Variants in TDRP observed in about 807,000 individuals in gnomAD.
The protein encoded by TDRP is testis development-related protein.
TDRP carries 12 observed loss-of-function variants against 10.5 expected under a neutral mutation model. The ratio of observed to expected loss-of-function variants is 1.15; its 90% CI spans 0.73 to 1.86. The LOEUF (loss-of-function observed/expected upper bound fraction) is 1.86. Among genes scored for constraint, TDRP ranks in the 40% most tolerant of loss-of-function variants. The pLI is 0.00. For missense variants in TDRP, 353 were observed against 229.2 expected (o/e 1.54, Z -3.49); for synonymous variants, 139 against 95.4 (o/e 1.46, Z -2.67).
intron 1 of TDRP, among the ~76,000 whole-genome samples, chr8:529,218 T>C (rs895789799): frequency 6.6e-6 from 1 of 152,180 alleles, no homozygotes; most frequent in African/African-American, 2.4e-5. Flanking sequence ...CTTTGCATCC[T>C]TCAATCCAAT....
In TDRP at chr8:530,707, C is replaced by T. The variant is rs558815457; in HGVS notation, c.108+13943G>A. Reference sequence around the variant, plus strand: ...GCAGGGCAACAGGCTGTGGAGCTCTCGCTTGTTCTCAGCAGCCCCCAGACA... The same window carrying T: ...GCAGGGCAACAGGCTGTGGAGCTCTTGCTTGTTCTCAGCAGCCCCCAGACA... On this transcript the variant is annotated intron_variant, in intron 1 of 2. Coordinates refer to ENST00000324079, the MANE Select transcript of TDRP (RefSeq NM_001384899.1). 1.2e-4 allele frequency among the ~76,000 whole-genome samples: 19 copies of T among 152,284 alleles called. No homozygotes were observed. In the South Asian group the frequency reaches 2.9e-3, roughly 23 times the overall value.
chr8:502,457 G>A (rs1351702078), intron 1 of TDRP, among the ~76,000 whole-genome samples: 1 of 152,214 alleles, frequency 6.6e-6, no homozygotes, highest in African/African-American at 2.4e-5. Context: ...GCGAGACCAG[G>A]CTCCCACCAG....
At chr8:541,799 T>A (rs1471810387) in intron 1 of TDRP, among the ~76,000 whole-genome samples, 2 of 152,182 alleles carry the variant, frequency 1.3e-5, no homozygotes, top group African/African-American at 4.8e-5. Flanking sequence ...TCATTCCTTG[T>A]CCATGGGAGT....
chr8:522,059 T>A (rs1175332698), intron 1 of TDRP, among the ~76,000 whole-genome samples: 1 of 152,234 alleles, frequency 6.6e-6, no homozygotes, highest in African/African-American at 2.4e-5. Flanking sequence ...ATGTTGATAT[T>A]GTATCCTGCA....
At chr8:504,085 G>A (rs553194888) in intron 1 of TDRP, among the ~76,000 whole-genome samples, 118 of 152,300 alleles carry the variant, frequency 7.7e-4, no homozygotes, top group Middle Eastern at 3.4e-3. Context: ...GCACCAACAC[G>A]GAATCCAGAG....
At chr8:501,947 C>T (rs1258061124) in intron 1 of TDRP, among the ~76,000 whole-genome samples, 1 of 152,196 alleles carries the variant, frequency 6.6e-6, no homozygotes, top group Non-Finnish European at 1.5e-5. Context: ...CAGTTCTGGA[C>T]AAAGGCTTAG....
At chr8:518,227 G>C (rs1168725562) in intron 1 of TDRP, among the ~76,000 whole-genome samples, 1 of 152,138 alleles carries the variant, frequency 6.6e-6, no homozygotes, top group African/African-American at 2.4e-5. Flanking sequence ...GTAGGGGCCA[G>C]GAGGCACCTA....
At chr8:493,778 T>G (rs941396367) in intron 2 of TDRP, among the ~76,000 whole-genome samples, 14 of 152,138 alleles carry the variant, frequency 9.2e-5, no homozygotes, top group Non-Finnish European at 1.8e-4. Flanking sequence ...TGGTGGTGGT[T>G]GTTTTTGTTT....
chr8:528,219 C>T (rs956973946), intron 1 of TDRP, among the ~76,000 whole-genome samples: 3 of 152,164 alleles, frequency 2.0e-5, no homozygotes, highest in African/African-American at 7.2e-5. Context: ...ATATCACTCA[C>T]ATCAGTTAAA....
At chr8:514,547 A>C (rs934689748) in intron 1 of TDRP, among the ~76,000 whole-genome samples, 1 of 152,148 alleles carries the variant, frequency 6.6e-6, no homozygotes. Context: ...CACCACTGCC[A>C]AGTCTGTTGA....
chr8:505,935 C>A lies in TDRP; in HGVS notation c.109-11338G>T, dbSNP rs367897682. ...ATCAACTTGCTAGCTTCACCCAGTGCCAGCCAGGACAGGGTCCCTAAGCAG... is the reference window on the plus strand; with the variant it reads ...ATCAACTTGCTAGCTTCACCCAGTGACAGCCAGGACAGGGTCCCTAAGCAG... On this transcript the variant is annotated intron_variant, in intron 1 of 2. Coordinates refer to ENST00000324079, the MANE Select transcript of TDRP (RefSeq NM_001384899.1). Among the ~76,000 whole-genome samples, 119 of 152,188 alleles carry A rather than the reference C, an allele frequency of 7.8e-4. 1 individual carries two copies. Among genetic ancestry groups the A allele is most frequent in the African/African-American group, 2.7e-3 (113 of 41,518 alleles).
At chr8:545,397 C>G (rs117278497), upstream of TDRP, among the ~76,000 whole-genome samples, 743 of 143,614 alleles carry the variant, frequency 5.2e-3, 3 homozygotes, top group Non-Finnish European at 8.1e-3. Flanking sequence ...TCCCCTCTCC[C>G]GGTTCTCTCC....
chr8:511,386 T>C (rs1030911952), intron 1 of TDRP, among the ~76,000 whole-genome samples: 1 of 151,506 alleles, frequency 6.6e-6, no homozygotes, highest in Admixed American at 6.6e-5. Flanking sequence ...GAGAATTTCA[T>C]CAAAATAAAT....
At chr8:512,272 A>AT (rs1801639835) in intron 1 of TDRP, among the ~76,000 whole-genome samples, 1 of 148,618 alleles carries the variant, frequency 6.7e-6, no homozygotes, top group South Asian at 2.1e-4. Flanking sequence ...AACAACAACA[A>AT]CAAAAAAAAA....
intron 1 of TDRP, among the ~76,000 whole-genome samples, chr8:543,335 GA>G (rs1563135530): frequency 6.6e-6 from 1 of 151,494 alleles, no homozygotes; most frequent in African/African-American, 2.4e-5. Flanking sequence ...AAAAACTTAA[GA>G]AAAAAAAGTG....
rs1004408807 is a variant in TDRP at position 492,325 on chromosome 8, G to A, written c.*74C>T. 7 of 1,389,714 alleles carry A rather than the reference G, an allele frequency of 5.0e-6. No homozygotes were observed. In the Admixed American group the frequency reaches 2.2e-4, roughly 45 times the overall value. 86.1% of individuals were successfully genotyped at this position (1,389,714 alleles called of 1,614,324 possible). On this transcript the variant is annotated 3_prime_UTR_variant, in exon 3 of 3. Transcript: ENST00000324079. Reference sequence around the variant, plus strand: ...TAGACTCTCTATTCTTTCTAACGCGGAAAAGACTCAACAACTACATGGTAT... The same window carrying A: ...TAGACTCTCTATTCTTTCTAACGCGAAAAAGACTCAACAACTACATGGTAT...
chr8:504,383 T>G (rs1292215020), intron 1 of TDRP, among the ~76,000 whole-genome samples: 1 of 152,012 alleles, frequency 6.6e-6, no homozygotes, highest in Non-Finnish European at 1.5e-5. Flanking sequence ...GGTGCAGCAA[T>G]AAAGCATTCA....
intron 1 of TDRP, among the ~76,000 whole-genome samples, chr8:500,586 T>C (rs1443771696): frequency 6.6e-6 from 1 of 152,252 alleles, no homozygotes; most frequent in Non-Finnish European, 1.5e-5. Context: ...CTTGAAATCT[T>C]AAACAAAATG....
chr8:539,797 G>C (rs755017252), intron 1 of TDRP, among the ~76,000 whole-genome samples: 2 of 152,064 alleles, frequency 1.3e-5, no homozygotes, highest in Non-Finnish European at 2.9e-5. Context: ...TAAAGCAAAC[G>C]TCACAGAGCC....
Sources: gnomAD v4.1 joint callset for allele counts (sites outside exome capture counted in the v4.1 genomes callset) on GRCh38, gnomAD v4.1.1 for gene constraint, MANE v1.5 for transcripts, NCBI Gene and HGNC (gene_info 2026-07-23, HGNC 2026-07-21) for gene names.